RAMP3: variants seen among roughly 807,000 people sequenced by gnomAD.
The protein encoded by RAMP3 is receptor activity modifying protein 3, also known as receptor activity-modifying protein 3.
In RAMP3, 14 loss-of-function variants were observed where a neutral mutation model predicts 13.5. The ratio of observed to expected loss-of-function variants is 1.04; its 90% confidence interval spans 0.69 to 1.63. The LOEUF is 1.63. Among genes scored for constraint, RAMP3 ranks in the 40% most tolerant of loss-of-function variants. The probability of loss-of-function intolerance (pLI) is 0.00; values close to 1 mark genes in which losing one functional copy is unlikely to be tolerated. For synonymous variants in RAMP3, 106 were observed against 88.3 expected, an observed-to-expected ratio of 1.20 and a Z score of -1.12; for missense variants, 200 against 204.8, an observed-to-expected ratio of 0.98 and a Z score of 0.14.
chr7:45,158,718 C>G (rs537982265), intron 1 of RAMP3, among the ~76,000 whole-genome samples: 2 of 152,234 alleles, frequency 1.3e-5, no homozygotes, highest in East Asian at 3.9e-4. Context: ...CCCAGTTTCC[C>G]TGGCTGTAAG....
At position 45,177,290 on chromosome 7, in the gene RAMP3, A is replaced by C. The variant is rs1466183607; in HGVS notation, c.59-19A>C. The C allele has an allele frequency of 1.2e-6, 2 of 1,613,806 alleles. No individual in the cohort carries two copies. Among genetic ancestry groups the C allele is most frequent in the Non-Finnish European group, 1.7e-6 (2 of 1,179,866 alleles). Reference sequence around the variant, plus strand: ...CAGTGTGAACTGTAGTGGAATTCTTATGGCTGTCCCCTCTCCAGGTGGGTG... The same window carrying C: ...CAGTGTGAACTGTAGTGGAATTCTTCTGGCTGTCCCCTCTCCAGGTGGGTG... On this transcript the variant is annotated intron_variant, in intron 1 of 2. Transcript: ENST00000242249.
At chr7:45,182,974 G>A (rs1158206062) in intron 2 of RAMP3, among the ~76,000 whole-genome samples, 183 bp from the exon 3 acceptor site, 1 of 152,224 alleles carries the variant, frequency 6.6e-6, no homozygotes, top group Non-Finnish European at 1.5e-5. Context: ...AGGGGACACA[G>A]GGAATGGGTC....
At chr7:45,159,175 G>A (rs553498133) in intron 1 of RAMP3, among the ~76,000 whole-genome samples, 1 of 152,330 alleles carries the variant, frequency 6.6e-6, no homozygotes, top group African/African-American at 2.4e-5. Flanking sequence ...GTCCTGTTGT[G>A]TTGGTCCTGA....
chr7:45,166,658 A>C (rs1383175449), intron 1 of RAMP3, among the ~76,000 whole-genome samples: 1 of 152,122 alleles, frequency 6.6e-6, no homozygotes, highest in Non-Finnish European at 1.5e-5. Flanking sequence ...AAGTTTTAAA[A>C]TTTGACGTGT....
intron 1 of RAMP3, among the ~76,000 whole-genome samples, chr7:45,176,589 G>C (rs1485689604): frequency 6.6e-6 from 1 of 152,162 alleles, no homozygotes; most frequent in Non-Finnish European, 1.5e-5. Context: ...GACAGGCCCT[G>C]AAGGACAGGG....
At chr7:45,170,870 A>G (rs918000980) in intron 1 of RAMP3, among the ~76,000 whole-genome samples, 5 of 152,120 alleles carry the variant, frequency 3.3e-5, no homozygotes, top group Admixed American at 6.5e-5. Context: ...GCTGGTCAGG[A>G]ACTCCCAGCA....
In RAMP3 at chr7:45,183,632, G is replaced by A. The variant is rs1023339719; in HGVS notation, c.*220G>A. The A allele has an allele frequency of 2.5e-5, 16 of 635,926 alleles. No individual in the cohort carries two copies. Among genetic ancestry groups the A allele is most frequent in the Admixed American group, 1.7e-4 (6 of 34,348 alleles). The allele number at this position is 635,926 out of a possible 1,614,324, so 39.4% of individuals were successfully genotyped here. Reference sequence around the variant, plus strand: ...CGCCCAAGCTCTTTGCTCATTCTAGGGCCAGTGGAGGAAAATGTGATAAGG... The same window carrying A: ...CGCCCAAGCTCTTTGCTCATTCTAGAGCCAGTGGAGGAAAATGTGATAAGG... On this transcript the variant is annotated 3_prime_UTR_variant, in exon 3 of 3. Transcript: ENST00000242249.
intron 1 of RAMP3, among the ~76,000 whole-genome samples, 158 bp from the exon 2 acceptor site, chr7:45,177,151 A>G (rs1295425496): frequency 2.6e-5 from 4 of 152,200 alleles, no homozygotes; most frequent in Admixed American, 2.6e-4. Flanking sequence ...ACTGACAGGT[A>G]GGTCAGGGTG....
chr7:45,163,610 G>A (rs977262395), intron 1 of RAMP3: 16 of 985,324 alleles, frequency 1.6e-5, no homozygotes, highest in Admixed American at 1.2e-4. Flanking sequence ...GTTGGGGCCC[G>A]ATGGAAGCTA....
intron 1 of RAMP3, among the ~76,000 whole-genome samples, chr7:45,158,670 G>GACATT (rs1785810020): frequency 5.3e-5 from 8 of 152,214 alleles, no homozygotes; most frequent in Non-Finnish European, 5.9e-5. Context: ...CCAGTTCTGG[G>GACATT]GGGGACATTG....
intron 2 of RAMP3, among the ~76,000 whole-genome samples, chr7:45,178,672 G>A (rs1786241982): frequency 6.6e-6 from 1 of 152,254 alleles, no homozygotes; most frequent in African/African-American, 2.4e-5. Flanking sequence ...CAGTGAGCCT[G>A]GACACAGGCC....
At chr7:45,169,323 T>C (rs1004554196) in intron 1 of RAMP3, among the ~76,000 whole-genome samples, 2 of 152,226 alleles carry the variant, frequency 1.3e-5, no homozygotes, top group African/African-American at 4.8e-5. Context: ...CTCTATTTTC[T>C]GGAAGAGTTT....
chr7:45,180,234 C>T (rs996190643), intron 2 of RAMP3, among the ~76,000 whole-genome samples: 13 of 152,228 alleles, frequency 8.5e-5, no homozygotes, highest in African/African-American at 2.9e-4. Context: ...TGGCAGTACA[C>T]CCTGGGTGGA....
At chr7:45,163,482 G>A (rs1739030197) in intron 1 of RAMP3, 1 of 985,262 alleles carries the variant, frequency 1.0e-6, no homozygotes, top group Non-Finnish European at 1.2e-6. Context: ...TGGTAATGGG[G>A]GACAGTCTGA....
At chr7:45,169,783 C>T (rs1440496267) in intron 1 of RAMP3, among the ~76,000 whole-genome samples, 1 of 152,194 alleles carries the variant, frequency 6.6e-6, no homozygotes, top group Non-Finnish European at 1.5e-5. Flanking sequence ...ATATACCAGT[C>T]ATGTTGGATT....
Position 45,183,538 on chromosome 7 carries a change from A to T in RAMP3, c.*126A>T. 1 of 1,394,102 alleles carries T rather than the reference A, an allele frequency of 7.2e-7. No homozygotes were observed. Among genetic ancestry groups the T allele is most frequent in the South Asian group, 1.3e-5 (1 of 77,400 alleles). The allele number at this position is 1,394,102 out of a possible 1,614,324, so 86.4% of individuals were successfully genotyped here. A position where few individuals can be genotyped will look rare whatever the true frequency, so the allele number is the denominator to read the frequency against. ...CCACACCCCACCTGGTCATGGGCAG[A>T]CCCCTCCCTTCCTGGGCTGACCTGC... On this transcript the variant is annotated 3_prime_UTR_variant, in exon 3 of 3. Coordinates refer to ENST00000242249, the MANE Select transcript of RAMP3 (RefSeq NM_005856.3).
At chr7:45,182,757 A>C (rs1166324111) in intron 2 of RAMP3, among the ~76,000 whole-genome samples, 1 of 152,012 alleles carries the variant, frequency 6.6e-6, no homozygotes, top group African/African-American at 2.4e-5. Context: ...TCAGGCTCTT[A>C]GGGTATCCTG....
At chr7:45,172,140 G>A (rs1338067143) in intron 1 of RAMP3, among the ~76,000 whole-genome samples, 1 of 152,196 alleles carries the variant, frequency 6.6e-6, no homozygotes, top group Non-Finnish European at 1.5e-5. Context: ...GGGGCAGGGA[G>A]CCTCAGTTCT....
At chr7:45,181,309 T>G (rs1021342741) in intron 2 of RAMP3, among the ~76,000 whole-genome samples, 1 of 152,224 alleles carries the variant, frequency 6.6e-6, no homozygotes, top group Non-Finnish European at 1.5e-5. Flanking sequence ...TCCGTGGGCT[T>G]CTCCATGTGG....
Sources: allele counts gnomAD v4.1 joint callset (sites outside exome capture counted in the v4.1 genomes callset), GRCh38; gene constraint gnomAD v4.1.1; transcripts MANE v1.5; gene names NCBI Gene and HGNC (gene_info 2026-07-23, HGNC 2026-07-21).